The following SMIM19 variants were observed in gnomAD, a reference collection of about 807,000 sequenced individuals.
SMIM19 encodes UPF0697 protein C8orf40.
Under a neutral mutation model 13.2 loss-of-function variants are expected in SMIM19, and 6 were observed. The observed-to-expected ratio is 0.45, with a 90% CI of 0.25 to 0.90. SMIM19 has a LOEUF of 0.90. Ranked by LOEUF, SMIM19 falls within the 40% of genes least tolerant of loss-of-function variation. The pLI is 0.19. For missense variants in SMIM19, 138 were observed against 131.0 expected (o/e 1.05, Z -0.26); for synonymous variants, 46 against 43.1 (o/e 1.07, Z -0.27).
chr8:42,553,149 AC>A lies in SMIM19; in HGVS notation c.*542del, dbSNP rs376886747. On this transcript the variant is annotated 3_prime_UTR_variant, in exon 4 of 4. Coordinates refer to ENST00000417410, the MANE Select transcript of SMIM19 (RefSeq NM_001135674.2). ...TGCAACTTCCACCTCCCGGGTTTAA[AC>A]GATTCTCCTGCCACAGCCTCCTGAA... is the stretch of plus-strand genomic sequence containing the variant. 1.3e-3 allele frequency: 192 copies of A among 151,608 alleles called. No individual in the cohort carries two copies. The highest frequency in any genetic ancestry group is 2.3e-3 in the Non-Finnish European group (159 of 68,082). 9.4% of individuals were successfully genotyped at this position (151,608 alleles called of 1,614,324 possible). A position where few individuals can be genotyped will look rare whatever the true frequency, so the allele number is the denominator to read the frequency against.
chr8:42,552,474 T>G (rs1395954691), intron 3 of SMIM19, 70 bp from the exon 4 acceptor site: 4 of 1,458,960 alleles, frequency 2.7e-6, no homozygotes, highest in Non-Finnish European at 3.8e-6. Context: ...GACTGTAATG[T>G]AATATTGTTA....
In SMIM19 at chr8:42,546,471, C is replaced by T. The variant is rs1813488122; in HGVS notation, c.-2C>T. 1 of 1,604,648 alleles carries T rather than the reference C, an allele frequency of 6.2e-7. No individual in the cohort carries two copies. ...CTGCTTTCTTTTCTCTCTTACAGCCCCATGGCTGGGGGTTATGGAGTGATG... is the reference window on the plus strand; with the variant it reads ...CTGCTTTCTTTTCTCTCTTACAGCCTCATGGCTGGGGGTTATGGAGTGATG... On this transcript the variant is annotated splice_region_variant and 5_prime_UTR_variant, in exon 2 of 4. Transcript: ENST00000417410.
chr8:42,552,064 A>G (rs1813694102), intron 3 of SMIM19, among the ~76,000 whole-genome samples: 2 of 152,192 alleles, frequency 1.3e-5, no homozygotes, highest in Non-Finnish European at 2.9e-5. Context: ...AGTGTTGAGA[A>G]ATTAGAGGAT....
chr8:42,555,069 G>A lies in SMIM19; in HGVS notation c.*2461G>A, dbSNP rs1015451874. ...ATGCAAGGTTTATGGTAAAACTGCT[G>A]TACAATCAGAAGTATTTTAAGTATG... On this transcript the variant is annotated 3_prime_UTR_variant, in exon 4 of 4. Transcript: ENST00000417410. 3 of 152,174 alleles carry A rather than the reference G, an allele frequency of 2.0e-5. No homozygotes were observed. The highest frequency in any genetic ancestry group is 4.4e-5 in the Non-Finnish European group (3 of 68,040). The allele number at this position is 152,174 out of a possible 1,614,324, so 9.4% of individuals were successfully genotyped here.
chr8:42,553,703 G>C lies in SMIM19; in HGVS notation c.*1095G>C, dbSNP rs1563571345. ...TATTTTCAATTATAAGAGTGAGCTG[G>C]CTGGGCACGGTGGCTCACGCCTGAA... is the stretch of plus-strand genomic sequence containing the variant. On this transcript the variant is annotated 3_prime_UTR_variant, in exon 4 of 4. Transcript: ENST00000417410. 1 of 152,194 alleles carries C rather than the reference G, an allele frequency of 6.6e-6. No individual in the cohort carries two copies. Among genetic ancestry groups the C allele is most frequent in the African/African-American group, 2.4e-5 (1 of 41,446 alleles). The allele number at this position is 152,194 out of a possible 1,614,324, so 9.4% of individuals were successfully genotyped here.
chr8:42,549,503 C>A (rs996468628), intron 3 of SMIM19, among the ~76,000 whole-genome samples: 4 of 151,830 alleles, frequency 2.6e-5, no homozygotes, highest in African/African-American at 9.7e-5. Flanking sequence ...CACAACAGGA[C>A]AAATATTGGA....
At chr8:42,542,998 A>T (rs1813321068) in intron 1 of SMIM19, among the ~76,000 whole-genome samples, 1 of 151,106 alleles carries the variant, frequency 6.6e-6, no homozygotes, top group Non-Finnish European at 1.5e-5. Context: ...AAAAAAAAAA[A>T]GTAGTTCTCA....
intron 3 of SMIM19, among the ~76,000 whole-genome samples, chr8:42,549,620 G>C (rs973683374): frequency 3.3e-5 from 5 of 152,236 alleles, no homozygotes; most frequent in Middle Eastern, 3.4e-3. Context: ...GAGTTCAGTT[G>C]GGGATGATGA....
intron 1 of SMIM19, among the ~76,000 whole-genome samples, chr8:42,542,922 G>C (rs1309416678): frequency 6.6e-6 from 1 of 150,842 alleles, no homozygotes; most frequent in African/African-American, 2.4e-5. Context: ...CGAGGCTGCA[G>C]TGAGCCGAGA....
intron 3 of SMIM19, among the ~76,000 whole-genome samples, chr8:42,551,527 T>A (rs1364046626): frequency 8.5e-5 from 13 of 152,320 alleles, no homozygotes; most frequent in Admixed American, 8.5e-4. Context: ...TAATCAACAA[T>A]AAGCCTGTTA....
chr8:42,545,851 C>G (rs1813460414), intron 1 of SMIM19, among the ~76,000 whole-genome samples: 1 of 152,170 alleles, frequency 6.6e-6, no homozygotes, highest in Non-Finnish European at 1.5e-5. Context: ...TTAAAGTATT[C>G]TGTTACTTTC....
intron 2 of SMIM19, among the ~76,000 whole-genome samples, chr8:42,547,780 T>G (rs1813537874): frequency 6.6e-6 from 1 of 152,170 alleles, no homozygotes; most frequent in Non-Finnish European, 1.5e-5. Context: ...TGTAGCTTAA[T>G]TTAACTGCTT....
intron 3 of SMIM19, among the ~76,000 whole-genome samples, chr8:42,549,790 T>TA (rs916496070): frequency 1.5e-3 from 232 of 149,718 alleles, no homozygotes; most frequent in African/African-American, 1.3e-3. Context: ...AAGTATTGTT[T>TA]AAAAAAAAAA....
At chr8:42,545,133 A>G (rs749530718) in intron 1 of SMIM19, among the ~76,000 whole-genome samples, 11 of 152,206 alleles carry the variant, frequency 7.2e-5, no homozygotes, top group Non-Finnish European at 1.3e-4. Context: ...TTTTCTTTAC[A>G]TATTAGGTCA....
chr8:42,548,316 C>G, intron 2 of SMIM19: 1 of 450,968 alleles, frequency 2.2e-6, no homozygotes, highest in African/African-American at 2.0e-5. Flanking sequence ...TTAGCTTTAT[C>G]TGGATGTCAT....
chr8:42,546,738 A>G, intron 2 of SMIM19, 132 bp downstream of exon 2: 1 of 1,109,406 alleles, frequency 9.0e-7, no homozygotes, highest in Non-Finnish European at 1.2e-6. Context: ...TAATCCCAGC[A>G]CTTTGGGAGG....
intron 2 of SMIM19, 49 bp downstream of exon 2, chr8:42,546,655 T>A: frequency 6.3e-7 from 1 of 1,581,904 alleles, no homozygotes; most frequent in Non-Finnish European, 8.6e-7. Flanking sequence ...TTTACAAGTT[T>A]TGCTAGTTTA....
rs1813273161 is a variant in SMIM19, at chr8:42,542,366, G to A, written c.-12G>A. ...TTTCCTGGATGTTGGGTGAAGGCCT[G>A]TGAGCTTGTATGTACCCTTTGGCTT... On this transcript the variant is annotated 5_prime_UTR_variant, in exon 1 of 4. The change creates a new upstream start codon in the 5' untranslated region. Transcript: ENST00000417410. The A allele has an allele frequency of 1.1e-6, 1 of 901,628 alleles. No individual in the cohort carries two copies. Among genetic ancestry groups the A allele is most frequent in the Non-Finnish European group, 1.3e-6 (1 of 753,726 alleles). 55.9% of individuals were successfully genotyped at this position (901,628 alleles called of 1,614,324 possible). A position where few individuals can be genotyped will look rare whatever the true frequency, so the allele number is the denominator to read the frequency against.
At position 42,553,835 on chromosome 8, in the gene SMIM19, C is replaced by G. The variant is rs753303412; in HGVS notation, c.*1227C>G. 6.6e-6 allele frequency: 1 copy of G among 152,018 alleles called. No individual in the cohort carries two copies. The highest frequency in any genetic ancestry group is 1.5e-5 in the Non-Finnish European group (1 of 68,026). The allele number at this position is 152,018 out of a possible 1,614,324, so 9.4% of individuals were successfully genotyped here. ...AATCTCTACGAAGAATACAAAAATT[C>G]GCTGGGTGTGGTGGCATGCGCCTGT... On this transcript the variant is annotated 3_prime_UTR_variant, in exon 4 of 4. Coordinates refer to ENST00000417410, the MANE Select transcript of SMIM19 (RefSeq NM_001135674.2).
Sources: allele counts gnomAD v4.1 joint callset (sites outside exome capture counted in the v4.1 genomes callset), GRCh38; gene constraint gnomAD v4.1.1; transcripts MANE v1.5; gene names NCBI Gene and HGNC (gene_info 2026-07-23, HGNC 2026-07-21).